The following SPATS1 variants were observed in gnomAD, a reference collection of about 807,000 sequenced individuals.
SPATS1 encodes spermatogenesis-associated serine-rich protein 1.
SPATS1 carries 23 observed loss-of-function variants against 33.6 expected under a neutral mutation model. The ratio of observed to expected loss-of-function variants is 0.68; its 90% CI spans 0.49 to 0.97. The LOEUF (loss-of-function observed/expected upper bound fraction) is 0.97. Among genes scored for constraint, SPATS1 ranks in the 50% least tolerant of loss-of-function variants. The probability of loss-of-function intolerance (pLI) is 0.00; values close to 1 mark genes in which losing one functional copy is unlikely to be tolerated. For missense variants in SPATS1, 327 were observed against 361.0 expected (o/e 0.91, Z 0.76); for synonymous variants, 131 against 125.6 (o/e 1.04, Z -0.29).
In SPATS1 at chr6:44,342,776, G is replaced by C. The variant is rs1393424246; in HGVS notation, c.-1+8G>C. ...TTGCCAGTTGGTTCGTTGGTCCGTGGAGGCCTCTGAGCACAGACCCGGGCC... is the reference window on the plus strand; with the variant it reads ...TTGCCAGTTGGTTCGTTGGTCCGTGCAGGCCTCTGAGCACAGACCCGGGCC... On this transcript the variant is annotated splice_region_variant and intron_variant, in intron 1 of 8. Coordinates refer to ENST00000674044, the MANE Select transcript of SPATS1 (RefSeq NM_001372081.1). 3.8e-6 allele frequency: 2 copies of C among 524,822 alleles called. No individual in the cohort carries two copies. The highest frequency in any genetic ancestry group is 1.1e-4 in the East Asian group (2 of 18,002). The allele number at this position is 524,822 out of a possible 1,614,324, so 32.5% of individuals were successfully genotyped here.
Position 44,376,976 on chromosome 6 carries a change from T to C in SPATS1, c.875-59T>C, listed in dbSNP as rs1188076019. On this transcript the variant is annotated intron_variant, in intron 8 of 8. Coordinates refer to ENST00000674044, the MANE Select transcript of SPATS1 (RefSeq NM_001372081.1). ...AAGCATTGGGGGTCGAGTGTATTGA[T>C]TGAGAATTGTTAGTTTTGTAATGGA... 6 of 1,598,876 alleles carry C rather than the reference T, an allele frequency of 3.8e-6. No homozygotes were observed. The South Asian group carries it at 5.5e-5, about 15-fold the overall frequency.
chr6:44,376,712 A>G lies in SPATS1; in HGVS notation c.874+239A>G, dbSNP rs545414282. Reference sequence around the variant, plus strand: ...CTACTCAGGAGGCTGAGGCAGGAGAATCACTTGAACCTGGGAGGTGGAGGT... The same window carrying G: ...CTACTCAGGAGGCTGAGGCAGGAGAGTCACTTGAACCTGGGAGGTGGAGGT... On this transcript the variant is annotated intron_variant, in intron 8 of 8. Coordinates refer to ENST00000674044, the MANE Select transcript of SPATS1 (RefSeq NM_001372081.1). 4.6e-5 allele frequency among the ~76,000 whole-genome samples: 7 copies of G among 152,338 alleles called. No homozygotes were observed. The East Asian group carries it at 1.4e-3, about 29-fold the overall frequency.
Position 44,379,493 on chromosome 6 carries a change from G to A in SPATS1, c.*2430G>A, listed in dbSNP as rs768613988. ...ATAGTCCCAGGACTGTACTATACTCGGGAGGCTGAGGCAGGAGAATGGTGT... is the reference window on the plus strand; with the variant it reads ...ATAGTCCCAGGACTGTACTATACTCAGGAGGCTGAGGCAGGAGAATGGTGT... On this transcript the variant is annotated 3_prime_UTR_variant, in exon 9 of 9. Coordinates refer to ENST00000674044, the MANE Select transcript of SPATS1 (RefSeq NM_001372081.1). 1.2e-4 allele frequency among the ~76,000 whole-genome samples: 18 copies of A among 150,530 alleles called. No homozygotes were observed. Among genetic ancestry groups the A allele is most frequent in the Non-Finnish European group, 1.8e-4 (12 of 67,774 alleles).
chr6:44,349,340 C>A (rs1788099403), intron 2 of SPATS1, among the ~76,000 whole-genome samples: 2 of 144,680 alleles, frequency 1.4e-5, no homozygotes, highest in African/African-American at 5.0e-5. Flanking sequence ...ACTCAACTCA[C>A]ATTTTTATTG....
intron 7 of SPATS1, among the ~76,000 whole-genome samples, chr6:44,374,906 C>T (rs961470541): frequency 1.3e-5 from 2 of 152,196 alleles, no homozygotes; most frequent in African/African-American, 4.8e-5. Flanking sequence ...GGTAACCGTC[C>T]TCTTCGTTCT....
chr6:44,355,944 T>A (rs1029857555), intron 3 of SPATS1, among the ~76,000 whole-genome samples: 1 of 152,110 alleles, frequency 6.6e-6, no homozygotes, highest in South Asian at 2.1e-4. Flanking sequence ...CCTAAATAAG[T>A]CCCCTTTATC....
At chr6:44,361,343 A>C in intron 4 of SPATS1, 8 of 985,402 alleles carry the variant, frequency 8.1e-6, no homozygotes, top group Non-Finnish European at 9.6e-6. Context: ...AAATTATCAC[A>C]GGTCCATTTC....
intron 7 of SPATS1, among the ~76,000 whole-genome samples, chr6:44,373,752 AAG>A (rs1789766821): frequency 2.0e-5 from 3 of 152,220 alleles, no homozygotes. Context: ...TTAGGGAGGT[AAG>A]ATTACTTATT....
intron 6 of SPATS1, among the ~76,000 whole-genome samples, chr6:44,369,509 C>T (rs928030250): frequency 5.3e-5 from 8 of 151,374 alleles, no homozygotes; most frequent in South Asian, 2.1e-4. Flanking sequence ...GAGATTGCAG[C>T]GCCACACTCT....
At chr6:44,366,123 A>AT (rs1184995596) in intron 5 of SPATS1, among the ~76,000 whole-genome samples, 23 of 29,118 alleles carry the variant, frequency 7.9e-4, no homozygotes, top group African/African-American at 1.0e-3. Context: ...ATATATATAT[A>AT]TATATTTTTT....
intron 4 of SPATS1, 42 bp from the exon 5 acceptor site, chr6:44,361,789 G>C (rs760415579): frequency 1.9e-6 from 3 of 1,613,226 alleles, no homozygotes; most frequent in South Asian, 2.2e-5. Flanking sequence ...GCATTATGAG[G>C]CTGGGAACAG....
In SPATS1 at chr6:44,343,232, A is replaced by G. The variant is rs1163562206; in HGVS notation, c.137A>G (p.Tyr46Cys). 1.9e-6 allele frequency: 3 copies of G among 1,613,160 alleles called. No homozygotes were observed. The highest frequency in any genetic ancestry group is 1.1e-5 in the South Asian group (1 of 91,062). The change falls in exon 2 of 9, where the codon TAC becomes TGC. Residue 46 changes from tyrosine to cysteine, a missense_variant and splice_region_variant. Transcript: ENST00000674044. ...DSGMTEVERT[Y>C]SANCSDFLES... ...GGCATGACCGAGGTGGAGAGGACCT[A>G]CAGTTGAGTTCTAAGAAATCCAGGC...
At chr6:44,375,318 G>A (rs1400300318) in intron 7 of SPATS1, among the ~76,000 whole-genome samples, 1 of 152,214 alleles carries the variant, frequency 6.6e-6, no homozygotes, top group Non-Finnish European at 1.5e-5. Context: ...GGTCTGAGCA[G>A]CAAGAAGAGG....
intron 7 of SPATS1, among the ~76,000 whole-genome samples, chr6:44,374,841 C>T (rs1789833746): frequency 6.6e-6 from 1 of 152,166 alleles, no homozygotes; most frequent in Non-Finnish European, 1.5e-5. Context: ...TGGGTTTCTA[C>T]TATTTGGCTT....
At chr6:44,373,060 A>T (rs1170851453) in intron 7 of SPATS1, among the ~76,000 whole-genome samples, 1 of 152,152 alleles carries the variant, frequency 6.6e-6, no homozygotes, top group Non-Finnish European at 1.5e-5. Flanking sequence ...TACCCTACAC[A>T]TGTGTGTCTT....
chr6:44,345,270 G>C (rs927101192), intron 2 of SPATS1, among the ~76,000 whole-genome samples: 1 of 152,064 alleles, frequency 6.6e-6, no homozygotes, highest in Non-Finnish European at 1.5e-5. Flanking sequence ...GCTTGATCTA[G>C]AGAGTGTGCT....
Position 44,342,778 on chromosome 6 carries a change from G to A in SPATS1, c.-1+10G>A. ...GCCAGTTGGTTCGTTGGTCCGTGGA[G>A]GCCTCTGAGCACAGACCCGGGCCTC... On this transcript the variant is annotated intron_variant, in intron 1 of 8. Coordinates refer to ENST00000674044, the MANE Select transcript of SPATS1 (RefSeq NM_001372081.1). 1 of 529,884 alleles carries A rather than the reference G, an allele frequency of 1.9e-6. No homozygotes were observed. The highest frequency in any genetic ancestry group is 1.5e-5 in the South Asian group (1 of 65,546). 32.8% of individuals were successfully genotyped at this position (529,884 alleles called of 1,614,324 possible). A position where few individuals can be genotyped will look rare whatever the true frequency, so the allele number is the denominator to read the frequency against.
At chr6:44,350,757 TTACAC>T (rs1788182575) in intron 2 of SPATS1, among the ~76,000 whole-genome samples, 1 of 152,168 alleles carries the variant, frequency 6.6e-6, no homozygotes, top group Admixed American at 6.5e-5. Context: ...TTTGCATAGT[TTACAC>T]TATACAGTCA....
chr6:44,356,863 A>G (rs4714784), intron 3 of SPATS1, among the ~76,000 whole-genome samples: 119,149 of 152,144 alleles, frequency 0.78, 46,758 homozygotes, highest in Admixed American at 0.81. Flanking sequence ...ATACTCAAAG[A>G]GAGAAGATTA....
Sources: gnomAD v4.1 joint callset for allele counts (sites outside exome capture counted in the v4.1 genomes callset) on GRCh38, gnomAD v4.1.1 for gene constraint, MANE v1.5 for transcripts, NCBI Gene and HGNC (gene_info 2026-07-23, HGNC 2026-07-21) for gene names.